The following GALNT5 variants were observed in gnomAD, a reference collection of about 807,000 sequenced individuals.
The protein encoded by GALNT5 is UDP-GalNAc:polypeptide N-acetylgalactosaminyltransferase 5.
A neutral mutation model predicts 85.4 loss-of-function variants in GALNT5; 72 were observed. The observed-to-expected ratio is 0.84, with a 90% CI of 0.70 to 1.03. GALNT5 has a LOEUF of 1.03. GALNT5 is among the 50% of genes least tolerant of loss of function. The probability of loss-of-function intolerance (pLI) is 0.00; values close to 1 mark genes in which losing one functional copy is unlikely to be tolerated. For synonymous variants in GALNT5, 404 were observed against 397.0 expected (o/e 1.02, Z -0.21); for missense variants, 1,137 against 1,135.5 (o/e 1.00, Z -0.02).
intron 1 of GALNT5, among the ~76,000 whole-genome samples, chr2:157,263,845 G>T (rs1336335086): frequency 6.6e-6 from 1 of 151,928 alleles, no homozygotes. Flanking sequence ...CTGATTTAAG[G>T]CAAATACATT....
chr2:157,264,495 G>A (rs910164673), intron 1 of GALNT5, among the ~76,000 whole-genome samples: 8 of 152,154 alleles, frequency 5.3e-5, no homozygotes, highest in African/African-American at 1.4e-4. Context: ...CAAAACTCTG[G>A]CAAGCCCCTC....
At chr2:157,278,391 A>G (rs979190138) in intron 1 of GALNT5, among the ~76,000 whole-genome samples, 2 of 152,184 alleles carry the variant, frequency 1.3e-5, no homozygotes, top group African/African-American at 4.8e-5. Context: ...TCTCCTGGAT[A>G]ATATCCTGAA....
At chr2:157,293,672 A>G (rs928885131) in intron 3 of GALNT5, among the ~76,000 whole-genome samples, 1 of 152,212 alleles carries the variant, frequency 6.6e-6, no homozygotes, top group African/African-American at 2.4e-5. Flanking sequence ...AGAATCCTCA[A>G]GAACACTCCA....
At chr2:157,302,612 T>C (rs1683366540) in intron 7 of GALNT5, 1 of 151,648 alleles carries the variant, frequency 6.6e-6, no homozygotes, top group African/African-American at 2.4e-5. Context: ...ATTTCCACTA[T>C]TCTAATATTT....
intron 1 of GALNT5, among the ~76,000 whole-genome samples, chr2:157,270,762 T>C (rs761153847): frequency 3.9e-5 from 6 of 152,146 alleles, no homozygotes; most frequent in African/African-American, 9.7e-5. Flanking sequence ...GGAAATAAGA[T>C]TGATAGATGA....
rs186464605 is a variant in GALNT5 at position 157,279,889 on chromosome 2, G to A, written c.1455-4393G>A. Reference sequence around the variant, plus strand: ...TCAGTTGGAAATGCAGAAATAACCCGTCTTCTGTGTCAATCACGCTGGGAG... The same window carrying A: ...TCAGTTGGAAATGCAGAAATAACCCATCTTCTGTGTCAATCACGCTGGGAG... On this transcript the variant is annotated intron_variant, in intron 1 of 9. Transcript: ENST00000259056. Among the ~76,000 whole-genome samples, 183 of 152,298 alleles carry A rather than the reference G, an allele frequency of 1.2e-3. 1 individual carries two copies. The highest frequency in any genetic ancestry group is 2.0e-3 in the Non-Finnish European group (138 of 68,030).
intron 1 of GALNT5, among the ~76,000 whole-genome samples, chr2:157,263,017 C>T (rs1287097533): frequency 4.6e-5 from 7 of 151,202 alleles, no homozygotes; most frequent in African/African-American, 1.2e-4. Flanking sequence ...TTAGTAGAGA[C>T]GGGGTTTCAC....
intron 3 of GALNT5, among the ~76,000 whole-genome samples, chr2:157,290,803 A>G (rs1028482711): frequency 6.6e-6 from 1 of 152,112 alleles, no homozygotes; most frequent in Non-Finnish European, 1.5e-5. Flanking sequence ...CCAGGGTATT[A>G]GGAGGCTCTC....
chr2:157,275,904 C>T (rs182366893), intron 1 of GALNT5, among the ~76,000 whole-genome samples: 2 of 152,268 alleles, frequency 1.3e-5, no homozygotes, highest in East Asian at 3.9e-4. Flanking sequence ...TGCCAGTTTT[C>T]AAAGGGAATG....
chr2:157,294,683 T>C (rs942826224), intron 3 of GALNT5, among the ~76,000 whole-genome samples: 6 of 151,898 alleles, frequency 4.0e-5, no homozygotes, highest in Non-Finnish European at 8.8e-5. Context: ...GGTAGAGCCT[T>C]TGTATTACCT....
rs1285572674 is a variant in GALNT5 at position 157,315,523 on chromosome 2, T to C, written c.*4175T>C. 6.6e-6 allele frequency among the ~76,000 whole-genome samples: 1 copy of C among 152,176 alleles called. No homozygotes were observed. Among genetic ancestry groups the C allele is most frequent in the Non-Finnish European group, 1.5e-5 (1 of 68,020 alleles). On this transcript the variant is annotated 3_prime_UTR_variant, in exon 10 of 10. Coordinates refer to ENST00000259056, the MANE Select transcript of GALNT5 (RefSeq NM_014568.3). Reference sequence around the variant, plus strand: ...GCCACAGTATTGAGATGAGATTGAATTAAACCCCTTTGGCCTCTTTTGGAT... The same window carrying C: ...GCCACAGTATTGAGATGAGATTGAACTAAACCCCTTTGGCCTCTTTTGGAT...
At chr2:157,308,252 G>A (rs1403412099) in intron 8 of GALNT5, among the ~76,000 whole-genome samples, 1 of 152,154 alleles carries the variant, frequency 6.6e-6, no homozygotes, top group African/African-American at 2.4e-5. Context: ...AGAATTAATT[G>A]CACTGAATAA....
Position 157,280,960 on chromosome 2 carries a change from T to G in GALNT5, c.1455-3322T>G, listed in dbSNP as rs531909855. ...AGCTCCCTGAGGCCTCACCAAGAGCTGAGCAGATGGCAGAGCCATGCTTCC... is the reference window on the plus strand; with the variant it reads ...AGCTCCCTGAGGCCTCACCAAGAGCGGAGCAGATGGCAGAGCCATGCTTCC... On this transcript the variant is annotated intron_variant, in intron 1 of 9. Coordinates refer to ENST00000259056, the MANE Select transcript of GALNT5 (RefSeq NM_014568.3). Among the ~76,000 whole-genome samples, 5 of 152,318 alleles carry G rather than the reference T, an allele frequency of 3.3e-5. No individual in the cohort carries two copies. The East Asian group carries it at 9.6e-4, about 29-fold the overall frequency.
At position 157,310,140 on chromosome 2, in the gene GALNT5, G is replaced by A. The variant is rs541922001; in HGVS notation, c.2683-1068G>A. Among the ~76,000 whole-genome samples, 14 of 152,274 alleles carry A rather than the reference G, an allele frequency of 9.2e-5. 1 individual carries two copies. Among genetic ancestry groups the A allele is most frequent in the African/African-American group, 3.1e-4 (13 of 41,570 alleles). The stretch of plus-strand genomic sequence containing the variant: ...TAAGCGGTAAGCTGATTTGGTAAAG[G>A]AGGTAATTTAGTTAAGATAGCAAAA... On this transcript the variant is annotated intron_variant, in intron 9 of 9. Transcript: ENST00000259056.
At chr2:157,286,219 AGCACAATGATGCCTATATAT>A in intron 3 of GALNT5, 85 bp downstream of exon 3, 1 of 1,132,592 alleles carries the variant, frequency 8.8e-7, no homozygotes, top group Admixed American at 2.0e-5. Context: ...GTGAAAGACC[AGCACAATGATGCCTATATAT>A]GCATCACTTA....
At chr2:157,285,860 A>G (rs772449838) in intron 2 of GALNT5, among the ~76,000 whole-genome samples, 155 bp from the exon 3 acceptor site, 1 of 152,230 alleles carries the variant, frequency 6.6e-6, no homozygotes, top group African/African-American at 2.4e-5. Context: ...CTTCCAAGAA[A>G]ATGACATCAG....
intron 1 of GALNT5, among the ~76,000 whole-genome samples, chr2:157,260,780 G>A (rs1682319493): frequency 6.6e-6 from 1 of 152,168 alleles, no homozygotes; most frequent in Non-Finnish European, 1.5e-5. Flanking sequence ...TGTGATGTCG[G>A]CTACAACCAG....
chr2:157,278,068 C>A (rs190090907), intron 1 of GALNT5, among the ~76,000 whole-genome samples: 1 of 152,128 alleles, frequency 6.6e-6, no homozygotes, highest in Non-Finnish European at 1.5e-5. Context: ...TTTTATTTTT[C>A]CTTCACTCAT....
chr2:157,278,375 G>T (rs145390208), intron 1 of GALNT5, among the ~76,000 whole-genome samples: 1 of 151,858 alleles, frequency 6.6e-6, no homozygotes, highest in Non-Finnish European at 1.5e-5. Flanking sequence ...GCTAGGTTGG[G>T]GACATTCTCC....
Sources: gnomAD v4.1 joint callset for allele counts (sites outside exome capture counted in the v4.1 genomes callset) on GRCh38, gnomAD v4.1.1 for gene constraint, MANE v1.5 for transcripts, NCBI Gene and HGNC (gene_info 2026-07-23, HGNC 2026-07-21) for gene names.